Variants in GCHFR observed in about 807,000 individuals in gnomAD.
GCHFR encodes GTP cyclohydrolase 1 feedback regulatory protein.
GCHFR carries 12 observed loss-of-function variants against 10.6 expected under a neutral mutation model. That is an observed-to-expected ratio of 1.13 (90% confidence interval 0.72 to 1.83). GCHFR has a LOEUF of 1.83. GCHFR is among the 40% of genes most tolerant of loss of function. GCHFR has a pLI of 0.00. For synonymous variants in GCHFR, 54 were observed against 43.7 expected (o/e 1.24, Z -0.93); for missense variants, 116 against 110.6 (o/e 1.05, Z -0.22).
At position 40,764,184 on chromosome 15, in the gene GCHFR, C is replaced by A. The variant is rs1275631397; in HGVS notation, c.4C>A (p.Pro2Thr). The A allele has an allele frequency of 1.9e-6, 3 of 1,556,190 alleles. No homozygotes were observed. The highest frequency in any genetic ancestry group is 2.6e-6 in the Non-Finnish European group (3 of 1,151,230). ...GCCAGGCCGGGACGCGTGCACCATGCCCTACCTGCTCATCAGCACCCAGAT... is the reference window on the plus strand; with the variant it reads ...GCCAGGCCGGGACGCGTGCACCATGACCTACCTGCTCATCAGCACCCAGAT... M[P>T]YLLISTQIRM... The change falls in exon 1 of 3, where the codon CCC becomes ACC. Residue 2 changes from proline to threonine, a missense_variant. Transcript: ENST00000260447.
intron 1 of GCHFR, among the ~76,000 whole-genome samples, chr15:40,764,999 A>G (rs1888917870): frequency 6.6e-6 from 1 of 152,204 alleles, no homozygotes; most frequent in South Asian, 2.1e-4. Context: ...TGGGTTCACC[A>G]CGCAACAGAG....
chr15:40,767,161 A>G, intron 2 of GCHFR, 65 bp from the exon 3 acceptor site: 3 of 1,425,852 alleles, frequency 2.1e-6, no homozygotes, highest in Non-Finnish European at 2.8e-6. Flanking sequence ...TGCTGCAGAC[A>G]CTAGCTTTGT....
chr15:40,767,092 C>T lies in GCHFR; in HGVS notation c.132-134C>T, dbSNP rs73398512. The T allele has an allele frequency of 1.7e-5, 15 of 871,294 alleles. No homozygotes were observed. The East Asian group carries it at 3.9e-4, about 22-fold the overall frequency. The allele number at this position is 871,294 out of a possible 1,614,324, so 54.0% of individuals were successfully genotyped here. On this transcript the variant is annotated intron_variant, in intron 2 of 2. Transcript: ENST00000260447. ...GGAGGAGGCAGGGGGCGTGCACTTA[C>T]CCCAGCGCCCAGCAAGCAGCCAGCA...
At chr15:40,764,309 C>T (rs1459321560) in intron 1 of GCHFR, 93 bp downstream of exon 1, 24 of 1,189,212 alleles carry the variant, frequency 2.0e-5, no homozygotes, top group Non-Finnish European at 2.7e-5. Flanking sequence ...CTGCACCCAC[C>T]GGGGACTGGA....
chr15:40,764,412 G>A (rs1211757387), intron 1 of GCHFR, 196 bp downstream of exon 1: 1 of 504,276 alleles, frequency 2.0e-6, no homozygotes, highest in Non-Finnish European at 3.5e-6. Context: ...AGCTCTGGCC[G>A]GCCTGAAGCC....
In GCHFR at chr15:40,767,477, C is replaced by T; in HGVS notation, c.*128C>T. 1 of 1,102,144 alleles carries T rather than the reference C, an allele frequency of 9.1e-7. No individual in the cohort carries two copies. 68.3% of individuals were successfully genotyped at this position (1,102,144 alleles called of 1,614,324 possible). A position where few individuals can be genotyped will look rare whatever the true frequency, so the allele number is the denominator to read the frequency against. On this transcript the variant is annotated 3_prime_UTR_variant, in exon 3 of 3. Coordinates refer to ENST00000260447, the MANE Select transcript of GCHFR (RefSeq NM_005258.3). ...CAAATCATCACCGCCATGGGCCCAG[C>T]CCCAAAGGGCAGTGAATGGCCTTCT...
rs913895286 is a variant in GCHFR, at chr15:40,764,156, G to A, written c.-25G>A. 6.5e-7 allele frequency: 1 copy of A among 1,544,682 alleles called. No individual in the cohort carries two copies. Among genetic ancestry groups the A allele is most frequent in the South Asian group, 1.2e-5 (1 of 83,850 alleles). On this transcript the variant is annotated 5_prime_UTR_variant, in exon 1 of 3. Coordinates refer to ENST00000260447, the MANE Select transcript of GCHFR (RefSeq NM_005258.3). The stretch of plus-strand genomic sequence containing the variant: ...GGCGTCCAGCCTAGAGCCCCCGGTG[G>A]GAGCCAGGCCGGGACGCGTGCACCA...
At chr15:40,767,144 G>A (rs957371665) in intron 2 of GCHFR, 82 bp from the exon 3 acceptor site, 1 of 1,384,124 alleles carries the variant, frequency 7.2e-7, no homozygotes, top group African/African-American at 1.5e-5. Flanking sequence ...AGAGTGGCCA[G>A]GCTGCCTGCT....
At chr15:40,766,943 A>ATGG (rs1175979403) in intron 2 of GCHFR, 46 of 248,088 alleles carry the variant, frequency 1.9e-4, no homozygotes, top group African/African-American at 1.0e-3. Context: ...ATGGTCTACC[A>ATGG]TCTGGGACGC....
chr15:40,765,869 G>C lies in GCHFR; in HGVS notation c.79G>C (p.Glu27Gln). The C allele has an allele frequency of 6.3e-7, 1 of 1,586,864 alleles. No homozygotes were observed. The highest frequency in any genetic ancestry group is 8.6e-7 in the Non-Finnish European group (1 of 1,162,240). Reference sequence around the variant, plus strand: ...GGTGGGCGATGAACAGTCGGATCCAGAGCTGATGCAGCATCTGGGGGCTTC... The same window carrying C: ...GGTGGGCGATGAACAGTCGGATCCACAGCTGATGCAGCATCTGGGGGCTTC... Reference protein sequence around the residue: ...TMVGDEQSDPELMQHLGASKR... With the variant: ...TMVGDEQSDPQLMQHLGASKR... The change falls in exon 2 of 3, where the codon GAG (glutamate) becomes CAG (glutamine). Residue 27 changes from glutamate to glutamine, a missense_variant. Physicochemically the swap from Glu to Gln is conservative, Grantham distance 29. Coordinates refer to ENST00000260447, the MANE Select transcript of GCHFR (RefSeq NM_005258.3).
intron 1 of GCHFR, 140 bp from the exon 2 acceptor site, chr15:40,765,687 A>G (rs1888931714): frequency 2.3e-6 from 1 of 433,696 alleles, no homozygotes; most frequent in Non-Finnish European, 4.2e-6. Context: ...GCTTGTGCTC[A>G]GCCCCTAAGA....
At position 40,767,462 on chromosome 15, in the gene GCHFR, C is replaced by T. The variant is rs1257673332; in HGVS notation, c.*113C>T. Reference sequence around the variant, plus strand: ...TTGCTCCTCTCTTCCCAAATCATCACCGCCATGGGCCCAGCCCCAAAGGGC... The same window carrying T: ...TTGCTCCTCTCTTCCCAAATCATCATCGCCATGGGCCCAGCCCCAAAGGGC... On this transcript the variant is annotated 3_prime_UTR_variant, in exon 3 of 3. Transcript: ENST00000260447. 2 of 1,223,554 alleles carry T rather than the reference C, an allele frequency of 1.6e-6. No homozygotes were observed. The highest frequency in any genetic ancestry group is 2.2e-6 in the Non-Finnish European group (2 of 897,408). 75.8% of individuals were successfully genotyped at this position (1,223,554 alleles called of 1,614,324 possible).
Position 40,767,260 on chromosome 15 carries a change from G to A in GCHFR, c.166G>A (p.Val56Ile). The change falls in exon 3 of 3, where the codon GTC becomes ATC. Residue 56 changes from valine to isoleucine, a missense_variant. Val to Ile is a conservative substitution (Grantham distance 29). Transcript: ENST00000260447. ...EYYVDDPPRI[V>I]LDKLERRGFR... Reference sequence around the variant, plus strand: ...CTACGTCGATGACCCTCCCCGCATAGTCCTGGACAAGCTGGAACGCAGGGG... The same window carrying A: ...CTACGTCGATGACCCTCCCCGCATAATCCTGGACAAGCTGGAACGCAGGGG... 3 of 1,603,362 alleles carry A rather than the reference G, an allele frequency of 1.9e-6. No individual in the cohort carries two copies. Among genetic ancestry groups the A allele is most frequent in the Non-Finnish European group, 2.6e-6 (3 of 1,175,070 alleles).
chr15:40,764,153 G>A lies in GCHFR; in HGVS notation c.-28G>A. The A allele has an allele frequency of 6.5e-7, 1 of 1,543,280 alleles. No homozygotes were observed. Among genetic ancestry groups the A allele is most frequent in the Non-Finnish European group, 8.7e-7 (1 of 1,145,662 alleles). ...GTCGGCGTCCAGCCTAGAGCCCCCG[G>A]TGGGAGCCAGGCCGGGACGCGTGCA... On this transcript the variant is annotated 5_prime_UTR_variant, in exon 1 of 3. In the 5' UTR this introduces an upstream ATG that the reference lacks. Transcript: ENST00000260447.
intron 2 of GCHFR, 142 bp downstream of exon 2, chr15:40,766,063 A>G (rs1888941613): frequency 4.3e-6 from 2 of 466,956 alleles, no homozygotes; most frequent in Admixed American, 7.7e-5. Context: ...TCTCCGGAGG[A>G]GTTGGTCCCA....
chr15:40,764,213 C>T lies in GCHFR; in HGVS notation c.33C>T (p.Arg11=). ...ACCTGCTCATCAGCACCCAGATCCG[C>T]ATGGTGAGTACCGGCCGCCTGGCGA... MPYLLISTQI[R]MEVGPTMVGD... Residue 11 remains arginine, a synonymous_variant, in exon 1 of 3, where the codon CGC becomes CGT. Transcript: ENST00000260447. The T allele has an allele frequency of 6.4e-7, 1 of 1,557,262 alleles. No individual in the cohort carries two copies. Among genetic ancestry groups the T allele is most frequent in the Admixed American group, 1.9e-5 (1 of 52,184 alleles).
At chr15:40,766,156 CAG>C (rs1888944469) in intron 2 of GCHFR, 2 of 361,084 alleles carry the variant, frequency 5.5e-6, no homozygotes, top group Non-Finnish European at 1.0e-5. Context: ...ACCGCAGAAA[CAG>C]AGTCCGTTCC....
intron 2 of GCHFR, chr15:40,766,309 G>A (rs373970478): frequency 7.7e-5 from 12 of 155,854 alleles, no homozygotes; most frequent in African/African-American, 2.4e-4. Context: ...CCTAGAAGCA[G>A]GGAGCAGGGA....
intron 1 of GCHFR, 45 bp from the exon 2 acceptor site, chr15:40,765,779 ACCT>A (rs1191882631): frequency 3.1e-6 from 3 of 958,980 alleles, no homozygotes; most frequent in African/African-American, 3.3e-5. Flanking sequence ...AAGACCTTCC[ACCT>A]CCTCCTGGCA....
Sources: allele counts gnomAD v4.1 joint callset (sites outside exome capture counted in the v4.1 genomes callset), GRCh38; gene constraint gnomAD v4.1.1; transcripts MANE v1.5; gene names NCBI Gene and HGNC (gene_info 2026-07-23, HGNC 2026-07-21).